Variants in ARID5B observed in about 807,000 individuals in gnomAD.
ARID5B encodes the protein AT-rich interaction domain 5B, also known as AT-rich interactive domain-containing protein 5B.
Under a neutral mutation model 97.2 loss-of-function variants are expected in ARID5B, and 13 were observed. That is an observed-to-expected ratio of 0.13 (90% CI 0.09 to 0.21). ARID5B has a LOEUF of 0.21. ARID5B is among the 10% of genes least tolerant of loss of function. The pLI, the probability that ARID5B is intolerant of heterozygous loss-of-function variation, is 1.00. For synonymous variants in ARID5B, 556 were observed against 570.3 expected (o/e 0.97, Z 0.36); for missense variants, 1,210 against 1,465.3 (o/e 0.83, Z 2.84).
At chr10:62,029,567 C>G (rs1839468332) in intron 4 of ARID5B, among the ~76,000 whole-genome samples, 2 of 152,214 alleles carry the variant, frequency 1.3e-5, no homozygotes, top group African/African-American at 4.8e-5. Flanking sequence ...AGGCACTGAT[C>G]TGAGCTCTGA....
At chr10:62,031,076 A>G (rs1353515691) in intron 4 of ARID5B, among the ~76,000 whole-genome samples, 1 of 152,174 alleles carries the variant, frequency 6.6e-6, no homozygotes, top group Non-Finnish European at 1.5e-5. Flanking sequence ...TCTACTAAAA[A>G]TACAAAAATT....
chr10:61,906,779 G>A (rs1423569351), intron 2 of ARID5B, among the ~76,000 whole-genome samples: 2 of 152,194 alleles, frequency 1.3e-5, no homozygotes, highest in African/African-American at 2.4e-5. Context: ...CCAGGAGTCT[G>A]AATTTTAAAT....
chr10:62,069,462 G>A (rs1046679429), intron 7 of ARID5B, among the ~76,000 whole-genome samples: 3 of 152,148 alleles, frequency 2.0e-5, no homozygotes, highest in African/African-American at 7.2e-5. Flanking sequence ...TAAATGAAAC[G>A]CACTTAGGAT....
In ARID5B at chr10:61,997,676, G is replaced by A. The variant is rs144426895; in HGVS notation, c.503-2415G>A. The stretch of plus-strand genomic sequence containing the variant: ...GGGAGATGGTGTTAAGTGCTATGAG[G>A]GGTAGTCCTGGCACTTAATGGTTAT... On this transcript the variant is annotated intron_variant, in intron 3 of 9. Transcript: ENST00000279873. 2.6e-3 allele frequency among the ~76,000 whole-genome samples: 390 copies of A among 152,232 alleles called. 4 individuals carry two copies. Among genetic ancestry groups the A allele is most frequent in the African/African-American group, 9.2e-3 (380 of 41,530 alleles).
At chr10:61,927,572 A>C (rs1844129407) in intron 2 of ARID5B, among the ~76,000 whole-genome samples, 1 of 152,218 alleles carries the variant, frequency 6.6e-6, no homozygotes, top group Non-Finnish European at 1.5e-5. Context: ...GAAGTTAGGC[A>C]AGGAAACCTG....
At chr10:62,035,443 G>A (rs1239613078) in intron 4 of ARID5B, among the ~76,000 whole-genome samples, 1 of 152,160 alleles carries the variant, frequency 6.6e-6, no homozygotes, top group Non-Finnish European at 1.5e-5. Flanking sequence ...TCAGTACAGG[G>A]TGCCAGGTGC....
intron 3 of ARID5B, among the ~76,000 whole-genome samples, chr10:61,979,480 CACTA>C (rs1422421458): frequency 1.3e-5 from 2 of 152,152 alleles, no homozygotes; most frequent in Non-Finnish European, 2.9e-5. Flanking sequence ...TCCATGCAAA[CACTA>C]ACGTCATCAC....
rs1844375689 is a variant in ARID5B at position 61,940,229 on chromosome 10, A to G, written c.323A>G (p.Asp108Gly). 3 of 1,614,188 alleles carry G rather than the reference A, an allele frequency of 1.9e-6. No homozygotes were observed. The highest frequency in any genetic ancestry group is 1.7e-6 in the Non-Finnish European group (2 of 1,180,012). Residue 108 changes from aspartate to glycine, a missense_variant, in exon 3 of 10, where the codon GAC becomes GGC. Around this residue, in one of 8 missense-constraint regions of ARID5B, gnomAD observed 80 missense variants for 133.2 expected, o/e 0.60. Coordinates refer to ENST00000279873, the MANE Select transcript of ARID5B (RefSeq NM_032199.3). Reference sequence around the variant, plus strand: ...GAAAAGGTGATTGTGAAGCTTGAAGACCTGGTCAAGTGGGTACATTCTGAT... The same window carrying G: ...GAAAAGGTGATTGTGAAGCTTGAAGGCCTGGTCAAGTGGGTACATTCTGAT... ...VSEKVIVKLE[D>G]LVKWVHSDFS...
chr10:62,059,062 A>C (rs1406490743), intron 6 of ARID5B, among the ~76,000 whole-genome samples, 181 bp from the exon 7 acceptor site: 2 of 152,192 alleles, frequency 1.3e-5, no homozygotes, highest in Non-Finnish European at 2.9e-5. Flanking sequence ...TTTAAGTGGT[A>C]ATAATAGATT....
chr10:61,937,324 A>G (rs764308194), intron 2 of ARID5B, among the ~76,000 whole-genome samples: 1 of 152,142 alleles, frequency 6.6e-6, no homozygotes, highest in Non-Finnish European at 1.5e-5. Flanking sequence ...CAAGTTTTAG[A>G]ACACTTGGAA....
rs184490088 is a variant in ARID5B at position 62,010,178 on chromosome 10, G to A, written c.733+9857G>A. 5.4e-3 allele frequency among the ~76,000 whole-genome samples: 816 copies of A among 152,310 alleles called. 2 individuals are homozygous for A. Among genetic ancestry groups the A allele is most frequent in the South Asian group, 9.5e-3 (46 of 4,826 alleles). ...ATCCTTCCCTTGGGCCTATGAGAAA[G>A]AAAAGGAGAGAGGCACCAATTTTGC... On this transcript the variant is annotated intron_variant, in intron 4 of 9. Transcript: ENST00000279873.
chr10:62,000,266 G>T lies in ARID5B; in HGVS notation c.678G>T (p.Arg226=), dbSNP rs147803333. The T allele has an allele frequency of 7.3e-5, 118 of 1,613,582 alleles. No homozygotes were observed. Among genetic ancestry groups the T allele is most frequent in the Admixed American group, 2.3e-4 (14 of 59,978 alleles). ...VSRNPQILYC[R]DTFDHPTLIE... is the part of the protein sequence containing the mutation. Reference sequence around the variant, plus strand: ...GGAACCCTCAGATCCTGTACTGTCGGGACACCTTTGACCACCCGACTCTCA... The same window carrying T: ...GGAACCCTCAGATCCTGTACTGTCGTGACACCTTTGACCACCCGACTCTCA... The change falls in exon 4 of 10, where the codon CGG becomes CGT. Residue 226 remains arginine (R), a synonymous_variant. Coordinates refer to ENST00000279873, the MANE Select transcript of ARID5B (RefSeq NM_032199.3). The surrounding 1 kb of genome is among the most constrained non-coding windows in gnomAD (Gnocchi z 4.4).
intron 2 of ARID5B, among the ~76,000 whole-genome samples, chr10:61,920,839 A>G (rs551380801): frequency 2.6e-5 from 4 of 152,278 alleles, no homozygotes; most frequent in South Asian, 2.1e-4. Context: ...CTTTCTCTCT[A>G]GTTAGAGGAG....
In ARID5B at chr10:62,074,859, C is replaced by A. The variant is rs1455156363; in HGVS notation, c.1199+5062C>A. ...AACAAGCTAATAAGCACAGCAATTG[C>A]GAATAAGCATTGATACACTTACGCT... is the stretch of plus-strand genomic sequence containing the variant. On this transcript the variant is annotated intron_variant, in intron 8 of 9. Transcript: ENST00000279873. 8.5e-5 allele frequency among the ~76,000 whole-genome samples: 13 copies of A among 152,298 alleles called. 1 individual carries two copies. The South Asian group carries it at 2.7e-3, about 32-fold the overall frequency.
intron 5 of ARID5B, among the ~76,000 whole-genome samples, chr10:62,056,138 G>C (rs1839853845): frequency 6.6e-6 from 1 of 152,148 alleles, no homozygotes; most frequent in Non-Finnish European, 1.5e-5. Context: ...AAGTCCTCTT[G>C]TAGAACATGG....
chr10:61,932,412 T>C (rs1388899188), intron 2 of ARID5B, among the ~76,000 whole-genome samples: 8 of 149,748 alleles, frequency 5.3e-5, no homozygotes, highest in African/African-American at 2.0e-4. Flanking sequence ...TTTTTCTTTT[T>C]CTTTTTTTTT....
At chr10:61,921,625 T>C (rs573801989) in intron 2 of ARID5B, among the ~76,000 whole-genome samples, 1 of 152,152 alleles carries the variant, frequency 6.6e-6, no homozygotes, top group Non-Finnish European at 1.5e-5. Flanking sequence ...TGCCTAATTC[T>C]GTTTGTTAGA....
At chr10:62,003,581 A>G (rs1839109858) in intron 4 of ARID5B, among the ~76,000 whole-genome samples, 7 of 152,140 alleles carry the variant, frequency 4.6e-5, no homozygotes, top group Admixed American at 4.6e-4. Flanking sequence ...GCCTCTAGTC[A>G]CTATCCTTTG....
rs1839306185 is a variant in ARID5B at position 62,018,077 on chromosome 10, A to AT, written c.733+17757dup. ...TGGAAGAAAAGATCCAGTGTCAAAA[A>AT]TAATCGGGTTTTCTATATAATAGAT... On this transcript the variant is annotated intron_variant, in intron 4 of 9. Transcript: ENST00000279873. Among the ~76,000 whole-genome samples, 4 of 152,376 alleles carry AT rather than the reference A, an allele frequency of 2.6e-5. No individual in the cohort carries two copies. The South Asian group carries it at 8.3e-4, about 32-fold the overall frequency.
Sources: gnomAD v4.1 joint callset for allele counts (sites outside exome capture counted in the v4.1 genomes callset) on GRCh38, gnomAD v4.1.1 for gene constraint, gnomAD v4.1.1 regional missense constraint, Gnocchi (gnomAD v3.1) non-coding constraint, MANE v1.5 for transcripts, NCBI Gene and HGNC (gene_info 2026-07-23, HGNC 2026-07-21) for gene names.